RALGAPB: variants seen among roughly 807,000 people sequenced by gnomAD.
RALGAPB encodes the protein Ral GTPase activating protein non-catalytic subunit beta, also known as ral GTPase-activating protein subunit beta.
RALGAPB carries 25 observed loss-of-function variants against 161.1 expected under a neutral mutation model. That is an observed-to-expected ratio of 0.16 (90% confidence interval 0.11 to 0.22). RALGAPB has a LOEUF of 0.22. Among genes scored for constraint, RALGAPB ranks in the 10% least tolerant of loss-of-function variants. The pLI, the probability that RALGAPB is intolerant of heterozygous loss-of-function variation, is 1.00. For synonymous variants in RALGAPB, 629 were observed against 626.1 expected (o/e 1.00, Z -0.07); for missense variants, 1,391 against 1,815.2 (o/e 0.77, Z 4.25).
chr20:38,557,192 A>G (rs1675114391), intron 22 of RALGAPB, among the ~76,000 whole-genome samples: 1 of 152,210 alleles, frequency 6.6e-6, no homozygotes, highest in African/African-American at 2.4e-5. Context: ...TGCATTTTTG[A>G]AAAATGTGTA....
At chr20:38,566,392 T>C (rs2088000834) in intron 25 of RALGAPB, among the ~76,000 whole-genome samples, 1 of 152,222 alleles carries the variant, frequency 6.6e-6, no homozygotes, top group South Asian at 2.1e-4. Flanking sequence ...TTTGGGGACA[T>C]ACCTGCCTGG....
intron 15 of RALGAPB, among the ~76,000 whole-genome samples, chr20:38,533,792 A>G (rs935856388): frequency 6.6e-6 from 1 of 152,222 alleles, no homozygotes; most frequent in Non-Finnish European, 1.5e-5. Flanking sequence ...TAGGTATTCT[A>G]TAGGTTGAAA....
intron 22 of RALGAPB, among the ~76,000 whole-genome samples, chr20:38,555,392 T>G (rs1180845456): frequency 6.6e-6 from 1 of 152,244 alleles, no homozygotes; most frequent in African/African-American, 2.4e-5. Flanking sequence ...TGTATTTTTG[T>G]ATTTTTTTTG....
intron 13 of RALGAPB, among the ~76,000 whole-genome samples, chr20:38,528,273 C>T (rs993424095): frequency 6.6e-6 from 1 of 152,026 alleles, no homozygotes; most frequent in Non-Finnish European, 1.5e-5. Flanking sequence ...TGGTCTTTTA[C>T]ACCAGTTAAA....
chr20:38,509,545 G>C (rs1176573096), intron 6 of RALGAPB, among the ~76,000 whole-genome samples: 1 of 152,174 alleles, frequency 6.6e-6, no homozygotes, highest in African/African-American at 2.4e-5. Flanking sequence ...AGGTTGCCTT[G>C]CTCCTCTCTG....
At chr20:38,482,990 G>T (rs1419319247) in intron 1 of RALGAPB, among the ~76,000 whole-genome samples, 1 of 152,142 alleles carries the variant, frequency 6.6e-6, no homozygotes, top group Non-Finnish European at 1.5e-5. Context: ...GGATCCAAGT[G>T]ATCCTCCCAC....
At chr20:38,484,756 C>T (rs1568899043) in intron 1 of RALGAPB, among the ~76,000 whole-genome samples, 2 of 152,178 alleles carry the variant, frequency 1.3e-5, no homozygotes, top group South Asian at 2.1e-4. Context: ...AGTGCAATGG[C>T]GCGATCTCGG....
chr20:38,565,596 G>A (rs1018765270), intron 25 of RALGAPB, 118 bp downstream of exon 25: 1 of 1,265,020 alleles, frequency 7.9e-7, no homozygotes, highest in Admixed American at 2.4e-5. Context: ...AGCTTCTAAG[G>A]CATTATAACA....
chr20:38,574,027 A>C, intron 28 of RALGAPB, 123 bp from the exon 29 acceptor site: 1 of 1,008,068 alleles, frequency 9.9e-7, no homozygotes. Flanking sequence ...GGCTTTTCTC[A>C]GACCACTGCC....
intron 14 of RALGAPB, among the ~76,000 whole-genome samples, 169 bp from the exon 15 acceptor site, chr20:38,532,561 G>A (rs1306057217): frequency 6.6e-6 from 1 of 152,204 alleles, no homozygotes; most frequent in East Asian, 1.9e-4. Context: ...AGATTTGTGT[G>A]TGTAAAAATA....
intron 10 of RALGAPB, among the ~76,000 whole-genome samples, chr20:38,523,247 G>C (rs1010611990): frequency 6.6e-6 from 1 of 152,190 alleles, no homozygotes; most frequent in Non-Finnish European, 1.5e-5. Flanking sequence ...AGACTCCTGG[G>C]AAGGAGGATC....
At chr20:38,546,133 T>C in intron 18 of RALGAPB, 110 bp from the exon 19 acceptor site, 1 of 1,553,376 alleles carries the variant, frequency 6.4e-7, no homozygotes, top group South Asian at 1.2e-5. Context: ...TCAAGAAGCA[T>C]GGCTGTGGTC....
intron 6 of RALGAPB, among the ~76,000 whole-genome samples, chr20:38,511,587 G>A (rs1288320375): frequency 1.3e-5 from 2 of 152,024 alleles, no homozygotes; most frequent in African/African-American, 4.8e-5. Context: ...ATCTTGCACC[G>A]CCATTAATCC....
At chr20:38,568,058 A>C (rs2088075753) in intron 26 of RALGAPB, among the ~76,000 whole-genome samples, 1 of 152,208 alleles carries the variant, frequency 6.6e-6, no homozygotes, top group South Asian at 2.1e-4. Flanking sequence ...GCAAGATTTT[A>C]GCCAAATCTA....
rs148444575 is a variant in RALGAPB at position 38,528,193 on chromosome 20, C to T, written c.2050+2151C>T. 5.9e-5 allele frequency among the ~76,000 whole-genome samples: 9 copies of T among 152,094 alleles called. No homozygotes were observed. The East Asian group carries it at 1.2e-3, about 20-fold the overall frequency. ...GTTTGTTTTATTTTTAAGACTAGAA[C>T]CTAGTTTTGAAAGTATTCCATAATA... On this transcript the variant is annotated intron_variant, in intron 13 of 29. Transcript: ENST00000262879.
At chr20:38,544,928 T>C (rs1250264013) in intron 18 of RALGAPB, among the ~76,000 whole-genome samples, 4 of 152,338 alleles carry the variant, frequency 2.6e-5, no homozygotes, top group Non-Finnish European at 5.9e-5. Context: ...TTACCTTTCA[T>C]GTGTTTTTCT....
At chr20:38,476,505 T>C (rs2084807569) in intron 1 of RALGAPB, among the ~76,000 whole-genome samples, 1 of 151,912 alleles carries the variant, frequency 6.6e-6, no homozygotes, top group Admixed American at 6.6e-5. Flanking sequence ...CCCTTCCCCA[T>C]GAGAAAGGTT....
chr20:38,513,848 T>C (rs532138288), intron 6 of RALGAPB, among the ~76,000 whole-genome samples: 1 of 152,306 alleles, frequency 6.6e-6, no homozygotes, highest in South Asian at 2.1e-4. Context: ...TGCTTTTCTT[T>C]TAATGTTTTT....
At chr20:38,545,377 A>G (rs1365413353) in intron 18 of RALGAPB, among the ~76,000 whole-genome samples, 1 of 152,224 alleles carries the variant, frequency 6.6e-6, no homozygotes. Flanking sequence ...TATTATAACA[A>G]TCCTATCAGA....
Sources: gnomAD v4.1 joint callset for allele counts (sites outside exome capture counted in the v4.1 genomes callset) on GRCh38, gnomAD v4.1.1 for gene constraint, MANE v1.5 for transcripts, NCBI Gene and HGNC (gene_info 2026-07-23, HGNC 2026-07-21) for gene names.